The following DLGAP2 variants were observed in gnomAD, a reference collection of about 807,000 sequenced individuals.
DLGAP2 encodes the protein disks large-associated protein 2.
A neutral mutation model predicts 100.3 loss-of-function variants in DLGAP2; 26 were observed. The ratio of observed to expected loss-of-function variants is 0.26; its 90% CI spans 0.19 to 0.36. The LOEUF is 0.36. DLGAP2 is among the 10% of genes least tolerant of loss of function. The pLI is 1.00. For synonymous variants in DLGAP2, 886 were observed against 630.1 expected, an observed-to-expected ratio of 1.41 and a Z score of -6.08; for missense variants, 1,858 against 1,453.2, an observed-to-expected ratio of 1.28 and a Z score of -4.53.
rs971697140 is a variant in DLGAP2 at position 737,686 on chromosome 8, A to ACGGACGGACGGACCG, written c.-111_-97dup. The ACGGACGGACGGACCG allele has an allele frequency of 5.5e-6, 2 of 362,190 alleles. No individual in the cohort carries two copies. Among genetic ancestry groups the ACGGACGGACGGACCG allele is most frequent in the African/African-American group, 4.3e-5 (2 of 46,840 alleles). The allele number at this position is 362,190 out of a possible 1,614,324, so 22.4% of individuals were successfully genotyped here. ...GAGCGCGCGGCGCCTGCGGCGGCGA[A>ACGGACGGACGGACCG]CGGACGGACGGACCGCGGACGGACG... On this transcript the variant is annotated 5_prime_UTR_variant, in exon 1 of 15. Coordinates refer to ENST00000637795, the MANE Select transcript of DLGAP2 (RefSeq NM_001346810.2).
chr8:741,490 G>T (rs1820483864), intron 1 of DLGAP2, among the ~76,000 whole-genome samples: 1 of 152,164 alleles, frequency 6.6e-6, no homozygotes, highest in Non-Finnish European at 1.5e-5. Context: ...CCAGGAGAGG[G>T]GCCTGGGTGT....
At chr8:1,080,396 A>G (rs1803766046) in intron 2 of DLGAP2, among the ~76,000 whole-genome samples, 1 of 152,170 alleles carries the variant, frequency 6.6e-6, no homozygotes. Flanking sequence ...GTGCGTTACG[A>G]AGGGATGCTC....
intron 3 of DLGAP2, among the ~76,000 whole-genome samples, chr8:1,473,405 C>T (rs1048764842): frequency 1.3e-5 from 2 of 152,278 alleles, no homozygotes; most frequent in Admixed American, 6.5e-5. Context: ...AGATCCACTG[C>T]GGGGCTGGAG....
intron 3 of DLGAP2, among the ~76,000 whole-genome samples, chr8:1,316,247 C>G (rs1351080938): frequency 1.9e-5 from 2 of 106,292 alleles, no homozygotes; most frequent in African/African-American, 3.5e-5. Flanking sequence ...TCGAGAAACT[C>G]GGCAGCTTTT....
chr8:1,681,529 A>G (rs934801661), intron 12 of DLGAP2, among the ~76,000 whole-genome samples: 3 of 152,082 alleles, frequency 2.0e-5, no homozygotes, highest in Non-Finnish European at 4.4e-5. Flanking sequence ...GTGGTGGCAC[A>G]TGCCTGTAGT....
intron 2 of DLGAP2, among the ~76,000 whole-genome samples, chr8:946,764 G>C (rs923173857): frequency 1.3e-5 from 2 of 152,184 alleles, no homozygotes; most frequent in African/African-American, 2.4e-5. Flanking sequence ...AATTCTCTAT[G>C]AACTCTGTGG....
At chr8:783,544 G>A (rs149258453) in intron 1 of DLGAP2, among the ~76,000 whole-genome samples, 231 of 152,316 alleles carry the variant, frequency 1.5e-3, no homozygotes, top group African/African-American at 5.2e-3. Context: ...GGTGCTCACC[G>A]TTCAGTGGCA....
intron 2 of DLGAP2, among the ~76,000 whole-genome samples, chr8:1,024,179 G>T (rs62488483): frequency 1.3e-5 from 1 of 78,382 alleles, no homozygotes; most frequent in African/African-American, 3.0e-5. Flanking sequence ...CCTCCCTGGG[G>T]GTGGACAGTT....
chr8:1,466,531 G>C (rs1457330299), intron 3 of DLGAP2, among the ~76,000 whole-genome samples: 1 of 149,172 alleles, frequency 6.7e-6, no homozygotes, highest in Non-Finnish European at 1.5e-5. Flanking sequence ...ATTTGTGTGT[G>C]TGTGTGTGTG....
intron 2 of DLGAP2, among the ~76,000 whole-genome samples, chr8:1,114,575 T>A (rs902414078): frequency 6.6e-6 from 1 of 152,130 alleles, no homozygotes; most frequent in Non-Finnish European, 1.5e-5. Flanking sequence ...TGTATTTATT[T>A]GGGCCTCCTC....
intron 1 of DLGAP2, among the ~76,000 whole-genome samples, chr8:823,958 A>G (rs748610954): frequency 7.2e-5 from 11 of 152,170 alleles, no homozygotes; most frequent in Non-Finnish European, 1.6e-4. Context: ...CTTTATCCCA[A>G]AGGGGAAGTT....
intron 1 of DLGAP2, among the ~76,000 whole-genome samples, chr8:878,617 G>A (rs771242110): frequency 2.6e-5 from 4 of 152,166 alleles, no homozygotes; most frequent in African/African-American, 4.8e-5. Flanking sequence ...TTGGTCCCCA[G>A]TGTAATGGTG....
chr8:1,213,106 T>C (rs981374021), intron 2 of DLGAP2, among the ~76,000 whole-genome samples: 1 of 152,148 alleles, frequency 6.6e-6, no homozygotes, highest in Non-Finnish European at 1.5e-5. Flanking sequence ...CTCAAAGATC[T>C]CCAGGTTTTC....
intron 1 of DLGAP2, among the ~76,000 whole-genome samples, chr8:903,678 C>T (rs916716406): frequency 5.3e-5 from 8 of 152,252 alleles, no homozygotes; most frequent in South Asian, 4.2e-4. Context: ...CCATGGAGGA[C>T]GCCAAGCTCT....
intron 2 of DLGAP2, among the ~76,000 whole-genome samples, chr8:1,111,424 C>T (rs547693156): frequency 4.0e-5 from 6 of 151,792 alleles, no homozygotes; most frequent in Middle Eastern, 3.4e-3. Context: ...TTTTTGGTTC[C>T]GCGGTACATG....
chr8:1,087,167 C>G (rs776588907), intron 2 of DLGAP2, among the ~76,000 whole-genome samples: 6 of 152,104 alleles, frequency 3.9e-5, no homozygotes, highest in Non-Finnish European at 7.4e-5. Flanking sequence ...TAATGAATAT[C>G]TTGAGATAAA....
In DLGAP2 at chr8:1,549,403, G is replaced by A. The variant is rs1479349079; in HGVS notation, c.950G>A (p.Arg317Gln). ...TATCGGACGCCCAGCGTGCTCAACC[G>A]GCACCACCTGGGCCCCGTGGCCCAC... ...STYRTPSVLN[R>Q]HHLGPVAHCY... Residue 317 changes from arginine to glutamine, a missense_variant, in exon 5 of 15, where the codon CGG becomes CAG. Coordinates refer to ENST00000637795, the MANE Select transcript of DLGAP2 (RefSeq NM_001346810.2). The A allele has an allele frequency of 2.5e-6, 4 of 1,613,414 alleles. No individual in the cohort carries two copies. The highest frequency in any genetic ancestry group is 1.3e-5 in the African/African-American group (1 of 75,052).
chr8:1,233,600 G>T (rs1798582101), intron 2 of DLGAP2, among the ~76,000 whole-genome samples: 1 of 152,130 alleles, frequency 6.6e-6, no homozygotes, highest in Non-Finnish European at 1.5e-5. Context: ...ATGGAACTCA[G>T]TCTCGGAGCT....
intron 1 of DLGAP2, among the ~76,000 whole-genome samples, chr8:785,355 C>A (rs1585860273): frequency 6.6e-6 from 1 of 151,384 alleles, no homozygotes; most frequent in African/African-American, 2.4e-5. Context: ...TCTCATGAGG[C>A]AGGCCGGGCC....
Sources: gnomAD v4.1 joint callset for allele counts (sites outside exome capture counted in the v4.1 genomes callset) on GRCh38, gnomAD v4.1.1 for gene constraint, MANE v1.5 for transcripts, NCBI Gene and HGNC (gene_info 2026-07-23, HGNC 2026-07-21) for gene names.